SOX6: variants seen among roughly 807,000 people sequenced by gnomAD.
The protein encoded by SOX6 is SRY-box transcription factor 6.
In SOX6, 11 loss-of-function variants were observed where a neutral mutation model predicts 97.8. The ratio of observed to expected loss-of-function variants is 0.11; its 90% CI spans 0.07 to 0.19. The LOEUF is 0.19. Among genes scored for constraint, SOX6 ranks in the 10% least tolerant of loss-of-function variants. SOX6 has a pLI of 1.00. For synonymous variants in SOX6, 360 were observed against 371.4 expected (o/e 0.97, Z 0.35); for missense variants, 810 against 1,039.5 (o/e 0.78, Z 3.04).
At chr11:16,489,472 G>C (rs1414481772) in intron 4 of SOX6, among the ~76,000 whole-genome samples, 2 of 152,132 alleles carry the variant, frequency 1.3e-5, no homozygotes, top group East Asian at 3.9e-4. Flanking sequence ...AACAGCATGA[G>C]GAAACATTTA....
At chr11:16,118,647 G>C (rs1849412898) in intron 6 of SOX6, among the ~76,000 whole-genome samples, 2 of 152,192 alleles carry the variant, frequency 1.3e-5, no homozygotes, top group Non-Finnish European at 2.9e-5. Context: ...TTGAGAAAGA[G>C]CATCTGCAGC....
At chr11:16,261,526 C>T (rs1034111572) in intron 3 of SOX6, among the ~76,000 whole-genome samples, 1 of 151,812 alleles carries the variant, frequency 6.6e-6, no homozygotes, top group Non-Finnish European at 1.5e-5. Flanking sequence ...GGGAAAAATA[C>T]AATATCAGGT....
At chr11:16,160,927 C>A (rs997546935) in intron 6 of SOX6, among the ~76,000 whole-genome samples, 1 of 152,048 alleles carries the variant, frequency 6.6e-6, no homozygotes, top group Non-Finnish European at 1.5e-5. Flanking sequence ...GATCCAAAAC[C>A]GATGATACTA....
chr11:16,122,461 T>A (rs1676432616), intron 6 of SOX6, among the ~76,000 whole-genome samples: 1 of 152,028 alleles, frequency 6.6e-6, no homozygotes, highest in South Asian at 2.1e-4. Context: ...AAATTTTGTA[T>A]AAATGCCATT....
At chr11:16,418,340 A>G (rs188566996) in intron 1 of SOX6, among the ~76,000 whole-genome samples, 2 of 152,328 alleles carry the variant, frequency 1.3e-5, no homozygotes, top group African/African-American at 4.8e-5. Flanking sequence ...AAAACAGCCT[A>G]GGATCCAAAT....
intron 4 of SOX6, among the ~76,000 whole-genome samples, chr11:16,204,574 G>GA (rs936563937): frequency 1.8e-4 from 21 of 115,492 alleles, no homozygotes; most frequent in Admixed American, 8.0e-4. Flanking sequence ...AAGAAAGAAA[G>GA]AAAAAAAACA....
chr11:16,082,397 C>A (rs1228164189), intron 9 of SOX6, among the ~76,000 whole-genome samples: 1 of 152,164 alleles, frequency 6.6e-6, no homozygotes, highest in Non-Finnish European at 1.5e-5. Flanking sequence ...ATTAGAAGAA[C>A]CATAGCTTTT....
intron 3 of SOX6, among the ~76,000 whole-genome samples, chr11:16,254,086 A>C (rs1156269673): frequency 6.6e-6 from 1 of 151,984 alleles, no homozygotes; most frequent in East Asian, 1.9e-4. Flanking sequence ...AAATATTTAA[A>C]GTGATGAAAA....
chr11:16,390,371 A>G (rs1387494142), intron 1 of SOX6, among the ~76,000 whole-genome samples: 2 of 152,100 alleles, frequency 1.3e-5, no homozygotes, highest in African/African-American at 2.4e-5. Flanking sequence ...CTCAAGATTT[A>G]GTCTGTTTCA....
intron 3 of SOX6, among the ~76,000 whole-genome samples, chr11:16,664,918 C>G (rs535264802): frequency 6.6e-6 from 1 of 151,886 alleles, no homozygotes; most frequent in Non-Finnish European, 1.5e-5. Context: ...GGCCCTAGCT[C>G]TTGGATGACA....
chr11:16,514,299 C>G (rs530728715), intron 4 of SOX6, among the ~76,000 whole-genome samples: 2 of 150,654 alleles, frequency 1.3e-5, no homozygotes, highest in Admixed American at 1.3e-4. Flanking sequence ...TTAGAGACAA[C>G]GGAGGAGTTA....
At chr11:16,392,443 A>T (rs1275163579) in intron 1 of SOX6, among the ~76,000 whole-genome samples, 1 of 152,190 alleles carries the variant, frequency 6.6e-6, no homozygotes, top group East Asian at 1.9e-4. Flanking sequence ...CCTCAGTAAG[A>T]GAAACTAAAA....
At chr11:16,257,306 G>A (rs191371521) in intron 3 of SOX6, among the ~76,000 whole-genome samples, 1 of 151,890 alleles carries the variant, frequency 6.6e-6, no homozygotes, top group Non-Finnish European at 1.5e-5. Context: ...CCAACTTCAA[G>A]ACTCAATATA....
intron 1 of SOX6, among the ~76,000 whole-genome samples, chr11:16,405,488 T>G (rs984096361): frequency 2.0e-5 from 3 of 152,046 alleles, no homozygotes; most frequent in Admixed American, 1.3e-4. Flanking sequence ...CGTGACTGTT[T>G]GGATGTGTTC....
At chr11:16,049,619 T>C in intron 11 of SOX6, 136 bp downstream of exon 11, 1 of 1,022,174 alleles carries the variant, frequency 9.8e-7, no homozygotes, top group South Asian at 1.6e-5. Context: ...AATTGGGTTA[T>C]GTTTCAGTAG....
intron 3 of SOX6, chr11:16,646,257 C>T (rs551092721): frequency 2.6e-5 from 4 of 152,346 alleles, no homozygotes; most frequent in South Asian, 2.1e-4. Context: ...CAAAGACACA[C>T]AGACTTGTGG....
At chr11:16,233,698 T>C (rs1439786172) in intron 4 of SOX6, among the ~76,000 whole-genome samples, 1 of 152,088 alleles carries the variant, frequency 6.6e-6, no homozygotes, top group Non-Finnish European at 1.5e-5. Context: ...TATCCTCATT[T>C]TATAGATGAG....
intron 1 of SOX6, among the ~76,000 whole-genome samples, chr11:16,391,420 T>C (rs1453581223): frequency 1.3e-5 from 2 of 152,238 alleles, no homozygotes; most frequent in African/African-American, 4.8e-5. Flanking sequence ...ACATTATTCA[T>C]TAGTTTATGT....
At chr11:16,664,233 A>C (rs1250160717) in intron 3 of SOX6, among the ~76,000 whole-genome samples, 1 of 152,250 alleles carries the variant, frequency 6.6e-6, no homozygotes, top group Non-Finnish European at 1.5e-5. Context: ...ACCAAAAATC[A>C]GATAAGCAAT....
Sources: gnomAD v4.1 joint callset for allele counts (sites outside exome capture counted in the v4.1 genomes callset) on GRCh38, gnomAD v4.1.1 for gene constraint, MANE v1.5 for transcripts, NCBI Gene and HGNC (gene_info 2026-07-23, HGNC 2026-07-21) for gene names.